IFT43: variants seen among roughly 807,000 people sequenced by gnomAD.
IFT43 encodes the protein intraflagellar transport 43, also known as intraflagellar transport protein 43 homolog.
Under a neutral mutation model 32.3 loss-of-function variants are expected in IFT43, and 33 were observed. That is an observed-to-expected ratio of 1.02 (90% CI 0.77 to 1.37). IFT43 has a LOEUF of 1.37. Ranked by LOEUF, IFT43 falls within the 40% of genes most tolerant of loss-of-function variation. IFT43 has a pLI of 0.00. For synonymous variants in IFT43, 93 were observed against 98.2 expected, an observed-to-expected ratio of 0.95 and a Z score of 0.31; for missense variants, 274 against 265.9, an observed-to-expected ratio of 1.03 and a Z score of -0.21.
chr14:76,007,444 T>C (rs1027905936), intron 2 of IFT43, among the ~76,000 whole-genome samples: 2 of 152,174 alleles, frequency 1.3e-5, no homozygotes, highest in Non-Finnish European at 2.9e-5. Flanking sequence ...TTGAGGAGTC[T>C]TGTGAGAGAT....
intron 1 of IFT43, chr14:75,986,158 G>A (rs1444423391): frequency 1.5e-6 from 2 of 1,353,248 alleles, no homozygotes; most frequent in Non-Finnish European, 1.9e-6. Context: ...AGAACAGATC[G>A]ATCACAGGGT....
At position 76,082,874 on chromosome 14, in the gene IFT43, A is replaced by T. The variant is rs549102218; in HGVS notation, c.444+182A>T. ...TTCATCTCACAGCAACCCTGGACCC[A>T]ACATAGTACAGTGTTTCTCAGTGCC... On this transcript the variant is annotated intron_variant, in intron 7 of 8. Coordinates refer to ENST00000314067, the MANE Select transcript of IFT43 (RefSeq NM_001102564.3). 5.3e-5 allele frequency among the ~76,000 whole-genome samples: 8 copies of T among 152,242 alleles called. No individual in the cohort carries two copies. The South Asian group carries it at 1.7e-3, about 32-fold the overall frequency.
intron 3 of IFT43, chr14:76,038,235 C>T (rs1432092198): frequency 1.3e-5 from 2 of 152,148 alleles, no homozygotes; most frequent in Non-Finnish European, 2.9e-5. Flanking sequence ...TCTTAGGAAG[C>T]TAATTGTGCT....
chr14:76,044,614 T>A (rs1011857791), intron 3 of IFT43, among the ~76,000 whole-genome samples: 1 of 152,184 alleles, frequency 6.6e-6, no homozygotes, highest in Non-Finnish European at 1.5e-5. Context: ...AGGGAGTAGG[T>A]TCCCCTGGTA....
intron 2 of IFT43, among the ~76,000 whole-genome samples, chr14:75,998,328 T>C (rs1391525842): frequency 4.6e-5 from 7 of 152,112 alleles, no homozygotes; most frequent in Admixed American, 3.9e-4. Flanking sequence ...CTTTGATGCA[T>C]GGGACTTGTG....
chr14:75,999,281 A>ATATATTTTTTT (rs1566699821), intron 2 of IFT43, among the ~76,000 whole-genome samples: 1 of 39,064 alleles, frequency 2.6e-5, no homozygotes, highest in African/African-American at 1.2e-4. Context: ...ATGTATATAT[A>ATATATTTTTTT]TTTTTTTTTT....
chr14:75,993,374 G>A (rs1244215068), intron 2 of IFT43, among the ~76,000 whole-genome samples: 1 of 152,190 alleles, frequency 6.6e-6, no homozygotes, highest in Non-Finnish European at 1.5e-5. Context: ...CCCACATGGC[G>A]GCAATTGGCT....
chr14:76,040,074 T>C (rs2036678503), intron 3 of IFT43, among the ~76,000 whole-genome samples: 1 of 152,148 alleles, frequency 6.6e-6, no homozygotes, highest in Admixed American at 6.5e-5. Flanking sequence ...CATCTCAGCC[T>C]CTTGAGTAGC....
At chr14:76,074,720 G>A (rs2037381283) in intron 5 of IFT43, among the ~76,000 whole-genome samples, 1 of 152,192 alleles carries the variant, frequency 6.6e-6, no homozygotes, top group Non-Finnish European at 1.5e-5. Flanking sequence ...TCCCTCTGTG[G>A]GTAACATAAT....
At chr14:75,999,238 TA>T (rs2035807795) in intron 2 of IFT43, among the ~76,000 whole-genome samples, 1 of 9,334 alleles carries the variant, frequency 1.1e-4, no homozygotes, top group Non-Finnish European at 1.9e-4. Context: ...TATATATATA[TA>T]TATATATATA....
chr14:76,063,412 CT>C (rs1157439599), intron 5 of IFT43, among the ~76,000 whole-genome samples: 1 of 152,230 alleles, frequency 6.6e-6, no homozygotes, highest in Non-Finnish European at 1.5e-5. Context: ...GTCTTTCAGA[CT>C]TTGCTTCTAA....
At chr14:75,997,123 A>T (rs1002378126) in intron 2 of IFT43, among the ~76,000 whole-genome samples, 1 of 152,198 alleles carries the variant, frequency 6.6e-6, no homozygotes, top group Non-Finnish European at 1.5e-5. Flanking sequence ...AGCCAAGAGA[A>T]GAGGGGGAAG....
intron 5 of IFT43, among the ~76,000 whole-genome samples, chr14:76,078,132 T>A (rs904803730): frequency 3.9e-5 from 6 of 152,230 alleles, no homozygotes; most frequent in African/African-American, 1.4e-4. Flanking sequence ...TGAGCATTTT[T>A]AAAAGGACAT....
At chr14:75,999,264 T>C (rs1380781378) in intron 2 of IFT43, among the ~76,000 whole-genome samples, 5 of 26,124 alleles carry the variant, frequency 1.9e-4, no homozygotes, top group Non-Finnish European at 3.0e-4. Flanking sequence ...TATATATATA[T>C]ATATATATGT....
chr14:75,991,051 C>T (rs1197296076), intron 2 of IFT43, among the ~76,000 whole-genome samples: 1 of 152,176 alleles, frequency 6.6e-6, no homozygotes, highest in Non-Finnish European at 1.5e-5. Flanking sequence ...CTACTTAAGG[C>T]TAGGCACAGT....
intron 3 of IFT43, among the ~76,000 whole-genome samples, chr14:76,035,647 T>C (rs934589923): frequency 6.6e-6 from 1 of 152,224 alleles, no homozygotes; most frequent in Non-Finnish European, 1.5e-5. Flanking sequence ...GTAAGCACAG[T>C]TGCAAACATA....
At chr14:75,999,262 TATATATATATGTATATA>T (rs1379125047) in intron 2 of IFT43, among the ~76,000 whole-genome samples, 25 of 25,262 alleles carry the variant, frequency 9.9e-4, no homozygotes, top group African/African-American at 3.6e-3. Flanking sequence ...TATATATATA[TATATATATATGTATATA>T]TATTTTTTTT....
chr14:76,069,255 T>C (rs2037278170), intron 5 of IFT43, among the ~76,000 whole-genome samples: 1 of 152,018 alleles, frequency 6.6e-6, no homozygotes, highest in Non-Finnish European at 1.5e-5. Context: ...GAATTCACTA[T>C]CTCGAGGACA....
At chr14:76,028,967 G>T (rs1314071991) in intron 3 of IFT43, among the ~76,000 whole-genome samples, 1 of 152,106 alleles carries the variant, frequency 6.6e-6, no homozygotes, top group Non-Finnish European at 1.5e-5. Flanking sequence ...TTTCCTTTGG[G>T]TATGTATATA....
Sources: allele counts gnomAD v4.1 joint callset (sites outside exome capture counted in the v4.1 genomes callset), GRCh38; gene constraint gnomAD v4.1.1; transcripts MANE v1.5; gene names NCBI Gene and HGNC (gene_info 2026-07-23, HGNC 2026-07-21).